SYN3: variants seen among roughly 807,000 people sequenced by gnomAD.
The protein encoded by SYN3 is synapsin III, also known as synapsin-3.
Under a neutral mutation model 65.8 loss-of-function variants are expected in SYN3, and 35 were observed. The ratio of observed to expected loss-of-function variants is 0.53; its 90% CI spans 0.41 to 0.70. The LOEUF is 0.70. Among genes scored for constraint, SYN3 ranks in the 30% least tolerant of loss-of-function variants. SYN3 has a pLI of 0.00. For synonymous variants in SYN3, 270 were observed against 292.9 expected (o/e 0.92, Z 0.80); for missense variants, 680 against 749.0 (o/e 0.91, Z 1.08).
intron 6 of SYN3, among the ~76,000 whole-genome samples, chr22:32,790,456 C>T (rs113390344): frequency 0.088 from 12,863 of 146,052 alleles, 682 homozygotes; most frequent in Admixed American, 0.16. Context: ...GACGGAGTCT[C>T]GCTTTGTTGC....
intron 6 of SYN3, among the ~76,000 whole-genome samples, chr22:32,753,697 C>T (rs549838730): frequency 1.1e-4 from 17 of 152,394 alleles, no homozygotes; most frequent in African/African-American, 3.4e-4. Context: ...ATACACTTAA[C>T]GCCCATTGTG....
At chr22:32,866,879 T>C (rs1159662374) in intron 5 of SYN3, among the ~76,000 whole-genome samples, 1 of 152,242 alleles carries the variant, frequency 6.6e-6, no homozygotes, top group East Asian at 1.9e-4. Context: ...TACATGGAAC[T>C]TGTTCCAGGT....
chr22:32,752,387 T>C (rs1298871822), intron 6 of SYN3, among the ~76,000 whole-genome samples: 1 of 152,210 alleles, frequency 6.6e-6, no homozygotes, highest in Non-Finnish European at 1.5e-5. Context: ...TGCTCATTTA[T>C]GAGCTGTCCT....
intron 4 of SYN3, among the ~76,000 whole-genome samples, chr22:32,878,951 G>A (rs1235357186): frequency 6.6e-6 from 1 of 152,024 alleles, no homozygotes; most frequent in Non-Finnish European, 1.5e-5. Flanking sequence ...ACCTAAATCT[G>A]GGTATTTATG....
At chr22:33,041,968 ATG>A (rs2053972615) in intron 1 of SYN3, among the ~76,000 whole-genome samples, 1 of 152,170 alleles carries the variant, frequency 6.6e-6, no homozygotes, top group East Asian at 1.9e-4. Flanking sequence ...TAAGGACTGA[ATG>A]TGTGTGTCCC....
intron 6 of SYN3, among the ~76,000 whole-genome samples, chr22:32,642,868 T>C (rs1005854141): frequency 2.0e-5 from 3 of 152,042 alleles, no homozygotes; most frequent in African/African-American, 7.2e-5. Context: ...TATCCCAAAC[T>C]TTTTGATCAG....
intron 6 of SYN3, among the ~76,000 whole-genome samples, chr22:32,631,086 G>A (rs1244330344): frequency 9.0e-6 from 1 of 111,480 alleles, no homozygotes; most frequent in Non-Finnish European, 1.7e-5. Flanking sequence ...CTGAGGTCAG[G>A]AGTTCCGAGA....
chr22:32,694,090 T>C (rs1371591268), intron 6 of SYN3, among the ~76,000 whole-genome samples: 1 of 152,040 alleles, frequency 6.6e-6, no homozygotes, highest in Non-Finnish European at 1.5e-5. Flanking sequence ...TATTTATTTA[T>C]TTATTTATTT....
rs565995630 is a variant in SYN3 at position 32,511,586 on chromosome 22, C to T, written c.*2106G>A. On this transcript the variant is annotated 3_prime_UTR_variant, in exon 14 of 14. Coordinates refer to ENST00000358763, the MANE Select transcript of SYN3 (RefSeq NM_003490.4). ...TCCTATAACATGGAACTCAGCCGAG[C>T]ATGGAGACAGAGTAAGGGTGGTGGG... 6.6e-6 allele frequency among the ~76,000 whole-genome samples: 1 copy of T among 152,198 alleles called. No homozygotes were observed. The highest frequency in any genetic ancestry group is 1.5e-5 in the Non-Finnish European group (1 of 68,052).
At chr22:32,617,776 T>C (rs2059540779) in intron 6 of SYN3, among the ~76,000 whole-genome samples, 1 of 151,588 alleles carries the variant, frequency 6.6e-6, no homozygotes, top group Non-Finnish European at 1.5e-5. Context: ...AAGGGGTGTG[T>C]GTGAGGGAGG....
chr22:32,649,151 G>A (rs557757574), intron 6 of SYN3, among the ~76,000 whole-genome samples: 1 of 152,160 alleles, frequency 6.6e-6, no homozygotes, highest in East Asian at 1.9e-4. Context: ...CGCTTATTTT[G>A]GCCAATGGGC....
At chr22:32,865,217 G>A (rs2048659094) in intron 5 of SYN3, among the ~76,000 whole-genome samples, 1 of 152,154 alleles carries the variant, frequency 6.6e-6, no homozygotes, top group Non-Finnish European at 1.5e-5. Context: ...TTCTGCCCAA[G>A]ACCTAGTAAG....
chr22:32,996,353 A>C (rs887522836), intron 2 of SYN3, among the ~76,000 whole-genome samples: 1 of 152,100 alleles, frequency 6.6e-6, no homozygotes, highest in Middle Eastern at 3.4e-3. Context: ...CACACTGAAA[A>C]ACAGCTGTGG....
At chr22:33,057,462 T>C (rs896844712) in intron 1 of SYN3, 2 of 152,256 alleles carry the variant, frequency 1.3e-5, no homozygotes, top group African/African-American at 4.8e-5. Flanking sequence ...CTGGAATTCC[T>C]GCTCCCTATC....
At chr22:32,661,005 C>G (rs2060209412) in intron 6 of SYN3, among the ~76,000 whole-genome samples, 1 of 152,194 alleles carries the variant, frequency 6.6e-6, no homozygotes, top group Non-Finnish European at 1.5e-5. Flanking sequence ...TAACCTATCT[C>G]TGCTCAAAAG....
intron 4 of SYN3, among the ~76,000 whole-genome samples, chr22:32,878,872 T>C (rs1477200594): frequency 6.6e-6 from 1 of 152,160 alleles, no homozygotes; most frequent in Admixed American, 6.5e-5. Flanking sequence ...GGGCCCAGTC[T>C]AAGGTCTAAG....
chr22:32,706,819 T>C (rs1230933573), intron 6 of SYN3, among the ~76,000 whole-genome samples: 3 of 152,212 alleles, frequency 2.0e-5, no homozygotes, highest in Admixed American at 1.3e-4. Context: ...CTGAATGTTG[T>C]CCCAGGGCTG....
intron 6 of SYN3, among the ~76,000 whole-genome samples, chr22:32,769,203 CCT>C (rs1329672426): frequency 3.3e-5 from 5 of 151,826 alleles, no homozygotes; most frequent in Non-Finnish European, 5.9e-5. Flanking sequence ...CCATTTCCCC[CCT>C]GTTCTACTTT....
intron 7 of SYN3, among the ~76,000 whole-genome samples, chr22:32,595,070 G>A (rs2059180186): frequency 6.6e-6 from 1 of 152,182 alleles, no homozygotes; most frequent in Non-Finnish European, 1.5e-5. Context: ...AGGCTTGAGA[G>A]GCAAACTGTG....
Sources: gnomAD v4.1 joint callset for allele counts (sites outside exome capture counted in the v4.1 genomes callset) on GRCh38, gnomAD v4.1.1 for gene constraint, MANE v1.5 for transcripts, NCBI Gene and HGNC (gene_info 2026-07-23, HGNC 2026-07-21) for gene names.